ZNF385B: variants seen among roughly 807,000 people sequenced by gnomAD.
The protein encoded by ZNF385B is zinc finger protein 385B, also known as zinc finger protein 533.
A neutral mutation model predicts 39.2 loss-of-function variants in ZNF385B; 23 were observed. The ratio of observed to expected loss-of-function variants is 0.59; its 90% CI spans 0.42 to 0.83. ZNF385B has a LOEUF of 0.83. ZNF385B is among the 40% of genes least tolerant of loss of function. The pLI, the probability that ZNF385B is intolerant of heterozygous loss-of-function variation, is 0.00. For synonymous variants in ZNF385B, 205 were observed against 222.6 expected, an observed-to-expected ratio of 0.92 and a Z score of 0.70; for missense variants, 552 against 598.9, an observed-to-expected ratio of 0.92 and a Z score of 0.82.
intron 6 of ZNF385B, among the ~76,000 whole-genome samples, chr2:179,469,632 G>C (rs2052510876): frequency 6.6e-6 from 1 of 152,152 alleles, no homozygotes; most frequent in South Asian, 2.1e-4. Flanking sequence ...GGATGGGATT[G>C]GGTTAGAGGT....
At chr2:179,609,926 G>A (rs1008689098) in intron 3 of ZNF385B, among the ~76,000 whole-genome samples, 9 of 152,032 alleles carry the variant, frequency 5.9e-5, no homozygotes, top group African/African-American at 1.9e-4. Context: ...TTTTTCTATA[G>A]AATTGCTTGA....
chr2:179,823,387 C>G (rs1394222325), intron 1 of ZNF385B, among the ~76,000 whole-genome samples: 1 of 152,128 alleles, frequency 6.6e-6, no homozygotes, highest in African/African-American at 2.4e-5. Flanking sequence ...TCCAGGCTAT[C>G]CAAGGCCACA....
At chr2:179,472,963 C>G (rs765290577) in intron 6 of ZNF385B, among the ~76,000 whole-genome samples, 1 of 152,196 alleles carries the variant, frequency 6.6e-6, no homozygotes, top group Non-Finnish European at 1.5e-5. Context: ...AGAGCTAAGA[C>G]AGTGTCTTCT....
At chr2:179,642,816 T>C (rs1285549040) in intron 3 of ZNF385B, among the ~76,000 whole-genome samples, 2 of 152,140 alleles carry the variant, frequency 1.3e-5, no homozygotes, top group Non-Finnish European at 2.9e-5. Flanking sequence ...TTGGATAAAG[T>C]AGTAAAAATG....
Position 179,484,040 on chromosome 2 carries a change from C to T in ZNF385B, c.553-606G>A, listed in dbSNP as rs1398846187. 2.6e-5 allele frequency among the ~76,000 whole-genome samples: 4 copies of T among 152,148 alleles called. No individual in the cohort carries two copies. In the East Asian group the frequency reaches 7.7e-4, roughly 29 times the overall value. On this transcript the variant is annotated intron_variant, in intron 5 of 9. Transcript: ENST00000410066. Reference sequence around the variant, plus strand: ...AGCCACAAAGGAGGTAGGAAAAAACCCTTGTTTCTGATCTCAGATGTGATT... The same window carrying T: ...AGCCACAAAGGAGGTAGGAAAAAACTCTTGTTTCTGATCTCAGATGTGATT...
At chr2:179,613,918 G>T (rs140395656) in intron 3 of ZNF385B, among the ~76,000 whole-genome samples, 1 of 152,288 alleles carries the variant, frequency 6.6e-6, no homozygotes, top group African/African-American at 2.4e-5. Flanking sequence ...TTGCCCTCTG[G>T]CTAGGGCTGG....
intron 3 of ZNF385B, among the ~76,000 whole-genome samples, chr2:179,691,467 A>G (rs897274289): frequency 1.8e-4 from 27 of 152,222 alleles, no homozygotes; most frequent in Non-Finnish European, 2.9e-5. Context: ...GTCTCATTCA[A>G]TAAATATTTA....
chr2:179,447,093 A>G (rs1306934090), intron 6 of ZNF385B, among the ~76,000 whole-genome samples: 3 of 152,182 alleles, frequency 2.0e-5, no homozygotes, highest in Admixed American at 1.3e-4. Flanking sequence ...ATTAAACAAA[A>G]CCACCTTCCC....
intron 1 of ZNF385B, among the ~76,000 whole-genome samples, chr2:179,810,602 C>A (rs184884416): frequency 6.6e-6 from 1 of 152,102 alleles, no homozygotes; most frequent in East Asian, 1.9e-4. Context: ...TCATCATCAT[C>A]ATCATCATTT....
chr2:179,518,009 G>A (rs1444068975), intron 5 of ZNF385B, among the ~76,000 whole-genome samples: 1 of 152,104 alleles, frequency 6.6e-6, no homozygotes, highest in Non-Finnish European at 1.5e-5. Context: ...ATATCAAATA[G>A]TAAAAATGGT....
chr2:179,837,486 T>G (rs1445375943), intron 1 of ZNF385B, among the ~76,000 whole-genome samples: 1 of 152,186 alleles, frequency 6.6e-6, no homozygotes. Flanking sequence ...AGCAGGTTAG[T>G]AGAAAGAAAT....
chr2:179,760,223 C>CGTGCGTGT (rs1553525684), intron 3 of ZNF385B, among the ~76,000 whole-genome samples: 14,043 of 144,296 alleles, frequency 0.097, 1,024 homozygotes, highest in East Asian at 0.36. Context: ...TTCCTGTGTG[C>CGTGCGTGT]GTGTGTGTGT....
intron 3 of ZNF385B, among the ~76,000 whole-genome samples, chr2:179,757,667 G>A (rs138127247): frequency 6.6e-6 from 1 of 152,116 alleles, no homozygotes; most frequent in Non-Finnish European, 1.5e-5. Flanking sequence ...ATTGGAAGGC[G>A]CCCCTCCCCC....
At chr2:179,517,574 G>C (rs1375875071) in intron 5 of ZNF385B, among the ~76,000 whole-genome samples, 1 of 151,790 alleles carries the variant, frequency 6.6e-6, no homozygotes, top group Non-Finnish European at 1.5e-5. Flanking sequence ...TAATTTAATG[G>C]TATATGCAAA....
chr2:179,747,674 T>C (rs948521207), intron 3 of ZNF385B, among the ~76,000 whole-genome samples: 1 of 152,096 alleles, frequency 6.6e-6, no homozygotes, highest in South Asian at 2.1e-4. Flanking sequence ...TAAACCAGGA[T>C]ATTTGATTAT....
intron 5 of ZNF385B, among the ~76,000 whole-genome samples, chr2:179,486,302 G>A (rs898011694): frequency 1.3e-5 from 2 of 151,964 alleles, no homozygotes; most frequent in South Asian, 2.1e-4. Flanking sequence ...CTTTACAAAC[G>A]GGAAACTGGG....
At chr2:179,584,134 G>T in intron 3 of ZNF385B, 1 of 425,096 alleles carries the variant, frequency 2.4e-6, no homozygotes, top group South Asian at 1.8e-5. Context: ...TGGCATTAAT[G>T]ACATTTTGAA....
At chr2:179,663,620 G>A (rs990710688) in intron 3 of ZNF385B, among the ~76,000 whole-genome samples, 4 of 147,968 alleles carry the variant, frequency 2.7e-5, no homozygotes, top group African/African-American at 5.0e-5. Flanking sequence ...TGAGGTAGGA[G>A]AATGGCGTGA....
chr2:179,828,444 C>G (rs1291538929), intron 1 of ZNF385B, among the ~76,000 whole-genome samples: 1 of 152,094 alleles, frequency 6.6e-6, no homozygotes, highest in Non-Finnish European at 1.5e-5. Context: ...TTTGAAAACT[C>G]CTTATTAAAA....
Sources: gnomAD v4.1 joint callset for allele counts (sites outside exome capture counted in the v4.1 genomes callset) on GRCh38, gnomAD v4.1.1 for gene constraint, MANE v1.5 for transcripts, NCBI Gene and HGNC (gene_info 2026-07-23, HGNC 2026-07-21) for gene names.